UVRAG: variants seen among roughly 807,000 people sequenced by gnomAD.
UVRAG encodes the protein UV radiation resistance-associated gene protein.
UVRAG carries 19 observed loss-of-function variants against 78.0 expected under a neutral mutation model. The observed-to-expected ratio is 0.24, with a 90% CI of 0.17 to 0.36. UVRAG has a LOEUF of 0.36. Ranked by LOEUF, UVRAG falls within the 10% of genes least tolerant of loss-of-function variation. The pLI, the probability that UVRAG is intolerant of heterozygous loss-of-function variation, is 1.00. For missense variants in UVRAG, 740 were observed against 853.8 expected, an observed-to-expected ratio of 0.87 and a Z score of 1.66; for synonymous variants, 323 against 324.6, an observed-to-expected ratio of 1.00 and a Z score of 0.05.
At chr11:75,959,362 T>C (rs953482202) in intron 6 of UVRAG, among the ~76,000 whole-genome samples, 3 of 152,242 alleles carry the variant, frequency 2.0e-5, no homozygotes, top group African/African-American at 4.8e-5. Flanking sequence ...GAGTAACTTA[T>C]TGCAGCTTCT....
chr11:76,067,225 CTG>C (rs755892561), intron 13 of UVRAG, among the ~76,000 whole-genome samples: 55 of 152,312 alleles, frequency 3.6e-4, no homozygotes, highest in Non-Finnish European at 6.5e-4. Context: ...ACTACTTTTA[CTG>C]TTACTTCCAC....
intron 13 of UVRAG, among the ~76,000 whole-genome samples, chr11:76,110,209 T>TAC (rs994319734): frequency 2.8e-5 from 4 of 141,888 alleles, no homozygotes; most frequent in Non-Finnish European, 6.0e-5. Flanking sequence ...ATATATCTGG[T>TAC]ACATATATAT....
intron 14 of UVRAG, among the ~76,000 whole-genome samples, chr11:76,126,420 A>C (rs1162647809): frequency 6.6e-6 from 1 of 152,182 alleles, no homozygotes; most frequent in Non-Finnish European, 1.5e-5. Context: ...AAGCCTTCTA[A>C]ATCCAGTTTA....
intron 14 of UVRAG, 60 bp from the exon 15 acceptor site, chr11:76,140,651 A>G (rs1952700523): frequency 1.4e-6 from 2 of 1,474,972 alleles, no homozygotes; most frequent in Middle Eastern, 1.9e-4. Flanking sequence ...CTCTGGATCC[A>G]GAAGGCTTAC....
intron 13 of UVRAG, among the ~76,000 whole-genome samples, chr11:76,085,787 T>C (rs1020086139): frequency 3.3e-5 from 5 of 152,194 alleles, no homozygotes; most frequent in African/African-American, 1.2e-4. Flanking sequence ...CATTTAGCAT[T>C]TTTCAGCATT....
At chr11:75,972,089 A>AT (rs529163928) in intron 7 of UVRAG, among the ~76,000 whole-genome samples, 141 of 143,708 alleles carry the variant, frequency 9.8e-4, no homozygotes, top group Admixed American at 2.4e-3. Context: ...CCCCGTCTGT[A>AT]TTTTTTTTTT....
At chr11:76,111,898 C>G (rs1489338185) in intron 13 of UVRAG, among the ~76,000 whole-genome samples, 5 of 140,010 alleles carry the variant, frequency 3.6e-5, no homozygotes, top group African/African-American at 1.5e-4. Flanking sequence ...AGAGGAAAGC[C>G]TCTAATATTA....
chr11:75,920,913 A>C (rs985533231), intron 6 of UVRAG, among the ~76,000 whole-genome samples: 2 of 152,210 alleles, frequency 1.3e-5, no homozygotes, highest in African/African-American at 2.4e-5. Flanking sequence ...AATAATAGTC[A>C]GTGGTGAGGC....
At position 75,859,096 on chromosome 11, in the gene UVRAG, T is replaced by C. The variant is rs143783178; in HGVS notation, c.236-2650T>C. 5.0e-3 allele frequency among the ~76,000 whole-genome samples: 762 copies of C among 152,324 alleles called. 6 individuals carry two copies. The highest frequency in any genetic ancestry group is 0.017 in the African/African-American group (719 of 41,580). The stretch of plus-strand genomic sequence containing the variant: ...ATGATATCTTTTTGAAAATTTAGGC[T>C]GGGTGTGGTGGCTCACGCCTGTAAT... On this transcript the variant is annotated intron_variant, in intron 2 of 14. Transcript: ENST00000356136.
intron 6 of UVRAG, among the ~76,000 whole-genome samples, chr11:75,954,687 G>T (rs983287448): frequency 7.2e-5 from 11 of 152,150 alleles, no homozygotes; most frequent in Admixed American, 2.6e-4. Context: ...CCTCCTTTGT[G>T]CCACATTCTG....
chr11:75,943,824 C>T (rs114937113), intron 6 of UVRAG, among the ~76,000 whole-genome samples: 339 of 152,190 alleles, frequency 2.2e-3, no homozygotes, highest in African/African-American at 7.7e-3. Flanking sequence ...ATGCCATTAC[C>T]ATGAGATTGT....
intron 12 of UVRAG, among the ~76,000 whole-genome samples, chr11:76,040,791 G>A (rs1386264212): frequency 6.6e-6 from 1 of 152,040 alleles, no homozygotes; most frequent in Non-Finnish European, 1.5e-5. Flanking sequence ...TTCTGACTTT[G>A]TGATCCGCCT....
At chr11:75,987,817 C>T (rs1294096220) in intron 8 of UVRAG, among the ~76,000 whole-genome samples, 1 of 151,730 alleles carries the variant, frequency 6.6e-6, no homozygotes, top group Non-Finnish European at 1.5e-5. Flanking sequence ...GCTCACTGCA[C>T]CCCTCTGCCT....
chr11:76,128,464 C>A (rs928292503), intron 14 of UVRAG, among the ~76,000 whole-genome samples: 1 of 152,192 alleles, frequency 6.6e-6, no homozygotes, highest in African/African-American at 2.4e-5. Flanking sequence ...AAATAAGTAT[C>A]CTTCTGGATC....
At chr11:76,129,127 G>C (rs560552176) in intron 14 of UVRAG, among the ~76,000 whole-genome samples, 28 of 152,312 alleles carry the variant, frequency 1.8e-4, no homozygotes, top group Non-Finnish European at 3.8e-4. Flanking sequence ...AGGAAACTGA[G>C]GAACTGAGGG....
chr11:76,096,358 G>C (rs1385570099), intron 13 of UVRAG, among the ~76,000 whole-genome samples: 1 of 152,192 alleles, frequency 6.6e-6, no homozygotes, highest in African/African-American at 2.4e-5. Flanking sequence ...AAAAACGTAA[G>C]AGTACGTCCA....
At chr11:75,922,947 A>T (rs2135073185) in intron 6 of UVRAG, among the ~76,000 whole-genome samples, 1 of 148,698 alleles carries the variant, frequency 6.7e-6, no homozygotes, top group South Asian at 2.1e-4. Flanking sequence ...GGAAAAAAAA[A>T]AAAAGAAAAA....
At chr11:76,133,439 G>T (rs982852975) in intron 14 of UVRAG, among the ~76,000 whole-genome samples, 6 of 152,114 alleles carry the variant, frequency 3.9e-5, no homozygotes, top group Admixed American at 6.5e-5. Flanking sequence ...TTCTGTAAAA[G>T]GAGGCTACAG....
intron 4 of UVRAG, among the ~76,000 whole-genome samples, chr11:75,887,454 T>TG (rs199996287): frequency 6.9e-6 from 1 of 145,610 alleles, no homozygotes; most frequent in African/African-American, 2.6e-5. Context: ...GCAGGTTTTT[T>TG]TTTTTTTTTT....
Sources: allele counts gnomAD v4.1 joint callset (sites outside exome capture counted in the v4.1 genomes callset), GRCh38; gene constraint gnomAD v4.1.1; transcripts MANE v1.5; gene names NCBI Gene and HGNC (gene_info 2026-07-23, HGNC 2026-07-21).